BUD23: variants seen among roughly 807,000 people sequenced by gnomAD.
BUD23 encodes BUD23 rRNA methyltransferase and ribosome maturation factor.
In BUD23, 34 loss-of-function variants were observed where a neutral mutation model predicts 47.0. That is an observed-to-expected ratio of 0.72 (90% CI 0.55 to 0.96). The LOEUF (loss-of-function observed/expected upper bound fraction) is 0.96. BUD23 is among the 40% of genes least tolerant of loss of function. BUD23 has a pLI of 0.00. For synonymous variants in BUD23, 124 were observed against 132.0 expected (o/e 0.94, Z 0.41); for missense variants, 343 against 361.2 (o/e 0.95, Z 0.41).
At chr7:73,688,856 G>A (rs1798080569) in intron 5 of BUD23, among the ~76,000 whole-genome samples, 1 of 152,116 alleles carries the variant, frequency 6.6e-6, no homozygotes, top group South Asian at 2.1e-4. Context: ...ATTCAGATTA[G>A]AAGATTTTCC....
intron 6 of BUD23, among the ~76,000 whole-genome samples, chr7:73,692,327 T>C (rs1798225462): frequency 6.6e-6 from 1 of 152,216 alleles, no homozygotes; most frequent in Non-Finnish European, 1.5e-5. Context: ...AAAAGTAAAC[T>C]GAACTGAAAG....
Position 73,694,045 on chromosome 7 carries a change from T to C in BUD23, c.696T>C (p.Asn232=). 6.2e-7 allele frequency: 1 copy of C among 1,609,174 alleles called. No individual in the cohort carries two copies. Among genetic ancestry groups the C allele is most frequent in the Non-Finnish European group, 8.5e-7 (1 of 1,178,732 alleles). The change falls in exon 10 of 12, where the codon AAT becomes AAC. Residue 232 remains asparagine, a synonymous_variant. Transcript: ENST00000265758. ...AACCCAGGGAGTCTGTGTTCACCAA[T>C]GAGAGGTAAAGCAACTGCTGAAGCC... ...EVEPRESVFT[N]ERFPLRMSRR...
intron 10 of BUD23, 92 bp from the exon 11 acceptor site, chr7:73,697,513 G>T (rs782018815): frequency 1.9e-6 from 3 of 1,599,996 alleles, no homozygotes; most frequent in Non-Finnish European, 8.5e-7. Context: ...CACCAGACTC[G>T]GAGGTAAGCT....
chr7:73,697,394 C>T, intron 10 of BUD23: 1 of 1,527,566 alleles, frequency 6.5e-7, no homozygotes, highest in Non-Finnish European at 8.8e-7. Flanking sequence ...CCTCTGCCCA[C>T]CCAACAACCT....
In BUD23 at chr7:73,692,864, A is replaced by G. The variant is rs1798247211; in HGVS notation, c.510+218A>G. On this transcript the variant is annotated intron_variant, in intron 7 of 11. Transcript: ENST00000265758. ...GCCTTCTCTTGGCAGATGACATGGT[A>G]TTACAGATAAGGTGATGCGACTGAT... 1.9e-5 allele frequency: 11 copies of G among 570,082 alleles called. 1 individual carries two copies. The Admixed American group carries it at 2.6e-4, about 13-fold the overall frequency. The allele number at this position is 570,082 out of a possible 1,614,324, so 35.3% of individuals were successfully genotyped here.
rs570835671 is a variant in BUD23 at position 73,692,828 on chromosome 7, T to C, written c.510+182T>C. The C allele has an allele frequency of 1.6e-4, 92 of 583,810 alleles. 1 individual carries two copies. The highest frequency in any genetic ancestry group is 7.5e-4 in the South Asian group (33 of 43,870). The allele number at this position is 583,810 out of a possible 1,614,324, so 36.2% of individuals were successfully genotyped here. A position where few individuals can be genotyped will look rare whatever the true frequency, so the allele number is the denominator to read the frequency against. On this transcript the variant is annotated intron_variant, in intron 7 of 11. Transcript: ENST00000265758. ...CCTAAGGGGGTGGCATCTGCGGAGG[T>C]GGGGTGGGATGCCTTCTCTTGGCAG...
Position 73,697,597 on chromosome 7 carries a change from C to T in BUD23, c.702-8C>T, listed in dbSNP as rs542852086. The T allele has an allele frequency of 3.2e-5, 52 of 1,613,504 alleles. No individual in the cohort carries two copies. The South Asian group carries it at 4.4e-4, about 14-fold the overall frequency. ...GTCCATCAGCTCATAGCTGTGTCTC[C>T]GCCACAGGTTCCCATTAAGGATGTC... On this transcript the variant is annotated splice_polypyrimidine_tract_variant and splice_region_variant and intron_variant, in intron 10 of 11. Coordinates refer to ENST00000265758, the MANE Select transcript of BUD23 (RefSeq NM_017528.5).
intron 5 of BUD23, 98 bp downstream of exon 5, chr7:73,687,193 C>A: frequency 8.0e-7 from 1 of 1,253,478 alleles, no homozygotes; most frequent in Non-Finnish European, 1.1e-6. Flanking sequence ...GCTCACACTG[C>A]AGCCTCCACC....
chr7:73,697,544 G>A, intron 10 of BUD23, 61 bp from the exon 11 acceptor site: 2 of 1,611,772 alleles, frequency 1.2e-6, no homozygotes, highest in Non-Finnish European at 1.7e-6. Context: ...TCACATGGGG[G>A]CCAGTCGGGC....
chr7:73,697,390 C>T, intron 10 of BUD23: 2 of 1,521,052 alleles, frequency 1.3e-6, no homozygotes, highest in Non-Finnish European at 1.8e-6. Context: ...TCCTCCTCTG[C>T]CCACCCAACA....
At chr7:73,687,638 C>T (rs1798029621) in intron 5 of BUD23, among the ~76,000 whole-genome samples, 1 of 152,172 alleles carries the variant, frequency 6.6e-6, no homozygotes, top group South Asian at 2.1e-4. Flanking sequence ...ATCCACACAC[C>T]TGGGCCTCCC....
chr7:73,693,288 C>T lies in BUD23; in HGVS notation c.511-41C>T, dbSNP rs145565518. The T allele has an allele frequency of 2.4e-3, 3,816 of 1,578,072 alleles. 51 individuals carry two copies. Among genetic ancestry groups the T allele is most frequent in the Non-Finnish European group, 1.2e-3 (1,368 of 1,156,670 alleles). On this transcript the variant is annotated intron_variant, in intron 7 of 11. Coordinates refer to ENST00000265758, the MANE Select transcript of BUD23 (RefSeq NM_017528.5). ...GAGGGAGGTGAAGCTGTCTGCTCCT[C>T]TCAACCTCCGCTGCCTGACCCGCTG...
Position 73,691,098 on chromosome 7 carries a change from A to C in BUD23, c.459+86A>C. On this transcript the variant is annotated intron_variant, in intron 6 of 11. Coordinates refer to ENST00000265758, the MANE Select transcript of BUD23 (RefSeq NM_017528.5). ...TAGAGTGAGGAAATTGAGGTGTCCC[A>C]TGATGGGTAAGCTACTCATATGGGA... 4.1e-6 allele frequency: 5 copies of C among 1,211,118 alleles called. No homozygotes were observed. In the South Asian group the frequency reaches 6.1e-5, roughly 15 times the overall value. The allele number at this position is 1,211,118 out of a possible 1,614,324, so 75.0% of individuals were successfully genotyped here.
intron 10 of BUD23, chr7:73,694,290 C>G (rs1798311479): frequency 2.2e-6 from 1 of 462,014 alleles, no homozygotes; most frequent in Non-Finnish European, 3.8e-6. Context: ...ACACATGCCC[C>G]TTCCCCTTGC....
chr7:73,687,610 T>G (rs1272076941), intron 5 of BUD23, among the ~76,000 whole-genome samples: 3 of 151,460 alleles, frequency 2.0e-5, no homozygotes, highest in Admixed American at 6.6e-5. Flanking sequence ...GATGGGTTTT[T>G]GCTATGTTGC....
chr7:73,694,147 C>A, intron 10 of BUD23, 97 bp downstream of exon 10: 2 of 1,296,734 alleles, frequency 1.5e-6, no homozygotes, highest in Admixed American at 2.4e-5. Context: ...CCTCTCAGGT[C>A]ACATGCAGCA....
intron 3 of BUD23, 26 bp from the exon 4 acceptor site, chr7:73,686,792 C>A (rs782232409): frequency 1.9e-6 from 3 of 1,613,988 alleles, no homozygotes; most frequent in East Asian, 2.2e-5. Flanking sequence ...GTAAACTGAC[C>A]CTGAGTGTCT....
intron 9 of BUD23, 51 bp downstream of exon 9, chr7:73,693,720 A>G (rs1403898000): frequency 1.6e-5 from 25 of 1,606,958 alleles, no homozygotes; most frequent in Non-Finnish European, 2.1e-5. Context: ...ACTTCCAGGC[A>G]GTGGGGCTCA....
chr7:73,689,161 T>C (rs755150460), intron 5 of BUD23, among the ~76,000 whole-genome samples: 6 of 152,180 alleles, frequency 3.9e-5, no homozygotes, highest in Non-Finnish European at 7.3e-5. Context: ...GCGATTCTCC[T>C]GCCTTAGCCT....
Sources: allele counts gnomAD v4.1 joint callset (sites outside exome capture counted in the v4.1 genomes callset), GRCh38; gene constraint gnomAD v4.1.1; transcripts MANE v1.5; gene names NCBI Gene and HGNC (gene_info 2026-07-23, HGNC 2026-07-21).